The following ALKBH3 variants were observed in gnomAD, a reference collection of about 807,000 sequenced individuals.
ALKBH3 encodes the protein alpha-ketoglutarate-dependent dioxygenase alkB homolog 3.
A neutral mutation model predicts 43.9 loss-of-function variants in ALKBH3; 51 were observed. The ratio of observed to expected loss-of-function variants is 1.16; its 90% confidence interval spans 0.93 to 1.47. ALKBH3 has a LOEUF of 1.47. Ranked by LOEUF, ALKBH3 falls within the 40% of genes most tolerant of loss-of-function variation. ALKBH3 has a pLI of 0.00. For missense variants in ALKBH3, 361 were observed against 351.9 expected (o/e 1.03, Z -0.21); for synonymous variants, 102 against 115.2 (o/e 0.89, Z 0.73).
chr11:43,883,494 G>A (rs1010302618), intron 3 of ALKBH3, among the ~76,000 whole-genome samples: 1 of 152,132 alleles, frequency 6.6e-6, no homozygotes, highest in Non-Finnish European at 1.5e-5. Flanking sequence ...TGTCTTCAGT[G>A]CTATTGCACT....
At chr11:43,904,081 G>C (rs556107694) in intron 8 of ALKBH3, among the ~76,000 whole-genome samples, 3 of 152,326 alleles carry the variant, frequency 2.0e-5, no homozygotes, top group African/African-American at 7.2e-5. Flanking sequence ...CGTGCCCCAT[G>C]CTGTAGCTTT....
intron 5 of ALKBH3, among the ~76,000 whole-genome samples, chr11:43,888,741 T>G (rs1951762831): frequency 6.6e-6 from 1 of 152,242 alleles, no homozygotes; most frequent in African/African-American, 2.4e-5. Context: ...TTTGGCTCTT[T>G]CACAAAATCA....
At chr11:43,903,449 C>T (rs769608952) in intron 8 of ALKBH3, among the ~76,000 whole-genome samples, 4 of 152,172 alleles carry the variant, frequency 2.6e-5, no homozygotes, top group East Asian at 3.8e-4. Flanking sequence ...CTTCTCAAGC[C>T]GGATGTATGG....
chr11:43,899,306 C>G (rs1951843575), intron 7 of ALKBH3: 1 of 700,428 alleles, frequency 1.4e-6, no homozygotes, highest in Non-Finnish European at 2.7e-6. Context: ...GTGGCCGGGC[C>G]TCTGCATCCT....
intron 8 of ALKBH3, among the ~76,000 whole-genome samples, chr11:43,906,312 A>C (rs1283100971): frequency 2.6e-5 from 4 of 152,210 alleles, no homozygotes; most frequent in African/African-American, 9.6e-5. Context: ...GAGTATAAAA[A>C]GGTCAGTCAA....
intron 9 of ALKBH3, 35 bp downstream of exon 9, chr11:43,919,171 T>C: frequency 6.5e-7 from 1 of 1,549,934 alleles, no homozygotes; most frequent in Non-Finnish European, 8.9e-7. Context: ...TCTGCTTTCA[T>C]GTGGAGGCAG....
Position 43,919,152 on chromosome 11 carries a change from T to C in ALKBH3, c.768+16T>C, listed in dbSNP as rs1952007082. ...TGACTGGCAGGTGAGGATCTGCAAG[T>C]AATATGAATCTGCTTTCATGTGGAG... On this transcript the variant is annotated intron_variant, in intron 9 of 9. Transcript: ENST00000302708. 1.9e-6 allele frequency: 3 copies of C among 1,594,582 alleles called. No homozygotes were observed. Among genetic ancestry groups the C allele is most frequent in the Non-Finnish European group, 2.6e-6 (3 of 1,162,648 alleles).
chr11:43,918,110 A>G (rs2135209719), intron 8 of ALKBH3, among the ~76,000 whole-genome samples: 1 of 152,350 alleles, frequency 6.6e-6, no homozygotes, highest in South Asian at 2.1e-4. Context: ...TAGACCCATC[A>G]GTTCTGCCCA....
chr11:43,898,146 A>G, intron 7 of ALKBH3: 3 of 1,202,500 alleles, frequency 2.5e-6, no homozygotes, highest in Non-Finnish European at 3.7e-6. Context: ...ATAACAAACT[A>G]GATGCTGACT....
At position 43,919,027 on chromosome 11, in the gene ALKBH3, C is replaced by T. The variant is rs1475178480; in HGVS notation, c.670-11C>T. On this transcript the variant is annotated splice_polypyrimidine_tract_variant and intron_variant, in intron 8 of 9. Coordinates refer to ENST00000302708, the MANE Select transcript of ALKBH3 (RefSeq NM_139178.4). ...GGCAAAACATTTATTACAACAAATG[C>T]TGTTTTCTAGGAAGAGAATGGAGAC... 3.2e-6 allele frequency: 5 copies of T among 1,585,998 alleles called. No homozygotes were observed. The highest frequency in any genetic ancestry group is 4.3e-6 in the Non-Finnish European group (5 of 1,155,074).
chr11:43,891,649 T>C (rs2135182415), intron 6 of ALKBH3, among the ~76,000 whole-genome samples: 1 of 152,248 alleles, frequency 6.6e-6, no homozygotes, highest in Middle Eastern at 3.4e-3. Flanking sequence ...GTTTGTCTTG[T>C]TTCTCACATG....
chr11:43,906,542 C>CG (rs944789402), intron 8 of ALKBH3, among the ~76,000 whole-genome samples: 81 of 152,124 alleles, frequency 5.3e-4, no homozygotes, highest in African/African-American at 1.9e-3. Context: ...AGCACCTACT[C>CG]TAAGAGATTA....
intron 5 of ALKBH3, 108 bp from the exon 6 acceptor site, chr11:43,889,617 T>C: frequency 1.2e-6 from 1 of 840,448 alleles, no homozygotes; most frequent in Non-Finnish European, 1.9e-6. Flanking sequence ...TAAGATGATT[T>C]CATGTACCCA....
At chr11:43,911,429 T>G (rs1490290272) in intron 8 of ALKBH3, among the ~76,000 whole-genome samples, 1 of 152,200 alleles carries the variant, frequency 6.6e-6, no homozygotes, top group Non-Finnish European at 1.5e-5. Flanking sequence ...GAGGAGTTCC[T>G]TCTTCTACGT....
At chr11:43,902,752 A>G (rs1057164472) in intron 8 of ALKBH3, among the ~76,000 whole-genome samples, 14 of 152,090 alleles carry the variant, frequency 9.2e-5, no homozygotes, top group African/African-American at 3.4e-4. Context: ...GTGTGCCAGG[A>G]CCCCTGGCTA....
At chr11:43,881,984 A>T (rs1223886154) in intron 1 of ALKBH3, among the ~76,000 whole-genome samples, 1 of 152,232 alleles carries the variant, frequency 6.6e-6, no homozygotes, top group Admixed American at 6.5e-5. Flanking sequence ...GTTTAATATA[A>T]GTTGAATGTT....
intron 9 of ALKBH3, 106 bp from the exon 10 acceptor site, chr11:43,919,812 A>T: frequency 9.5e-7 from 1 of 1,051,780 alleles, no homozygotes; most frequent in South Asian, 1.4e-5. Context: ...TTTAAGGGGG[A>T]TGAGATGGAA....
chr11:43,906,527 A>C (rs1465532632), intron 8 of ALKBH3, among the ~76,000 whole-genome samples: 3 of 152,132 alleles, frequency 2.0e-5, no homozygotes, highest in Admixed American at 2.0e-4. Context: ...CCATCTGGTG[A>C]TTATAGCACC....
chr11:43,885,727 C>G (rs1415724211), intron 4 of ALKBH3, among the ~76,000 whole-genome samples: 1 of 152,224 alleles, frequency 6.6e-6, no homozygotes, highest in East Asian at 1.9e-4. Flanking sequence ...AAGCAATAAT[C>G]TACCTATTCC....
Sources: gnomAD v4.1 joint callset for allele counts (sites outside exome capture counted in the v4.1 genomes callset) on GRCh38, gnomAD v4.1.1 for gene constraint, MANE v1.5 for transcripts, NCBI Gene and HGNC (gene_info 2026-07-23, HGNC 2026-07-21) for gene names.